Variants in NRXN1 observed in about 807,000 individuals in gnomAD.
NRXN1 encodes the protein neurexin 1.
In NRXN1, 39 loss-of-function variants were observed where a neutral mutation model predicts 150.9. The observed-to-expected ratio is 0.26, with a 90% confidence interval of 0.20 to 0.34. The LOEUF is 0.34. NRXN1 is among the 10% of genes least tolerant of loss of function. The pLI is 1.00. For missense variants in NRXN1, 1,815 were observed against 1,949.9 expected, an observed-to-expected ratio of 0.93 and a Z score of 1.30; for synonymous variants, 924 against 757.0, an observed-to-expected ratio of 1.22 and a Z score of -3.62.
chr2:50,996,683 T>G (rs545307147), intron 2 of NRXN1, among the ~76,000 whole-genome samples: 9 of 151,996 alleles, frequency 5.9e-5, no homozygotes, highest in African/African-American at 2.2e-4. Flanking sequence ...CCATATTACA[T>G]AAATGGGGGA....
At chr2:50,160,459 T>C (rs552955194) in intron 18 of NRXN1, among the ~76,000 whole-genome samples, 35 of 152,102 alleles carry the variant, frequency 2.3e-4, no homozygotes, top group African/African-American at 8.0e-4. Context: ...GAAAATTGCT[T>C]GAACCCAGGA....
At chr2:50,082,408 C>A (rs1283670240) in intron 19 of NRXN1, among the ~76,000 whole-genome samples, 1 of 151,974 alleles carries the variant, frequency 6.6e-6, no homozygotes, top group Non-Finnish European at 1.5e-5. Flanking sequence ...TAATGGCAGA[C>A]AAGAAGTTAA....
chr2:49,954,289 G>C (rs973633917), intron 21 of NRXN1, among the ~76,000 whole-genome samples: 2 of 151,978 alleles, frequency 1.3e-5, no homozygotes, highest in African/African-American at 4.8e-5. Flanking sequence ...GGGCATATGT[G>C]TGGATCTCAC....
chr2:50,829,999 G>GAAAAAAAAAAAAAAAA lies in NRXN1; in HGVS notation c.832+91854_832+91869dup, dbSNP rs572758147. ...GGAACCCAAAGAATACTGCCTGCTG[G>GAAAAAAAAAAAAAAAA]AAAAAAAAAAAAAAAAAAAAAAAAA... is the stretch of plus-strand genomic sequence containing the variant. On this transcript the variant is annotated intron_variant, in intron 5 of 22. Coordinates refer to ENST00000401669, the MANE Select transcript of NRXN1 (RefSeq NM_001330078.2). Among the ~76,000 whole-genome samples the GAAAAAAAAAAAAAAAA allele has an allele frequency of 6.5e-4, 38 of 58,176 alleles. 4 individuals carry two copies. Among genetic ancestry groups the GAAAAAAAAAAAAAAAA allele is most frequent in the East Asian group, 3.8e-3 (5 of 1,308 alleles). The allele number at this position is 58,176 out of a possible 152,430, so 38.2% of individuals were successfully genotyped here.
chr2:50,969,658 T>C lies in NRXN1; in HGVS notation c.773-43703A>G, dbSNP rs113371456. Among the ~76,000 whole-genome samples the C allele has an allele frequency of 5.2e-3, 789 of 152,290 alleles. 8 individuals are homozygous for C. Among genetic ancestry groups the C allele is most frequent in the African/African-American group, 0.018 (753 of 41,570 alleles). On this transcript the variant is annotated intron_variant, in intron 2 of 22. Transcript: ENST00000401669. ...GAAATAAAAAGAGTTTTAAAATCAG[T>C]ACATATATCTAAATTTAGGACAATT... is the stretch of plus-strand genomic sequence containing the variant.
intron 9 of NRXN1, chr2:50,548,199 G>T (rs888154801): frequency 6.6e-6 from 1 of 152,076 alleles, no homozygotes; most frequent in African/African-American, 2.4e-5. Flanking sequence ...CTTCTTGATG[G>T]ATTTTCCTGC....
intron 5 of NRXN1, among the ~76,000 whole-genome samples, chr2:50,680,540 AT>A (rs375342540): frequency 1.3e-5 from 2 of 152,284 alleles, no homozygotes; most frequent in African/African-American, 2.4e-5. Context: ...AATAAAAAAA[AT>A]GTCAATCAAC....
intron 21 of NRXN1, among the ~76,000 whole-genome samples, chr2:49,977,602 C>T (rs1295924659): frequency 6.6e-6 from 1 of 151,980 alleles, no homozygotes; most frequent in Non-Finnish European, 1.5e-5. Context: ...TGGGTTTCTC[C>T]AATTTTAATA....
intron 5 of NRXN1, among the ~76,000 whole-genome samples, chr2:50,780,647 C>G (rs1444568588): frequency 6.6e-6 from 1 of 152,100 alleles, no homozygotes; most frequent in Middle Eastern, 3.2e-3. Context: ...TTGGTCTACT[C>G]ATGTTCTTTT....
intron 17 of NRXN1, among the ~76,000 whole-genome samples, chr2:50,397,749 G>A (rs1469026891): frequency 6.6e-6 from 1 of 152,044 alleles, no homozygotes; most frequent in African/African-American, 2.4e-5. Context: ...GAATGGTGGA[G>A]GTATGAGAGA....
intron 18 of NRXN1, among the ~76,000 whole-genome samples, chr2:50,182,495 A>C (rs888023969): frequency 1.3e-5 from 2 of 151,938 alleles, no homozygotes; most frequent in African/African-American, 4.8e-5. Context: ...GGCTCTCAAT[A>C]TGTTTGGATT....
Position 50,979,205 on chromosome 2 carries a change from G to T in NRXN1, c.772+48297C>A, listed in dbSNP as rs538224183. The T allele has an allele frequency of 1.1e-3, 537 of 508,284 alleles. 2 individuals are homozygous for T. Among genetic ancestry groups the T allele is most frequent in the Middle Eastern group, 2.6e-3 (8 of 3,034 alleles). The allele number at this position is 508,284 out of a possible 1,614,324, so 31.5% of individuals were successfully genotyped here. On this transcript the variant is annotated intron_variant, in intron 2 of 22. Coordinates refer to ENST00000401669, the MANE Select transcript of NRXN1 (RefSeq NM_001330078.2). Reference sequence around the variant, plus strand: ...TGTAATTTAATTACAGAAAGTAAGCGATTTCCTCTGTGATATGAGAAAAGA... The same window carrying T: ...TGTAATTTAATTACAGAAAGTAAGCTATTTCCTCTGTGATATGAGAAAAGA...
chr2:50,581,104 C>T (rs979484135), intron 8 of NRXN1, among the ~76,000 whole-genome samples: 1 of 152,092 alleles, frequency 6.6e-6, no homozygotes. Flanking sequence ...CATTTGACAC[C>T]TATAAAACAG....
At chr2:50,463,225 G>A (rs1056912376) in intron 17 of NRXN1, among the ~76,000 whole-genome samples, 2 of 151,798 alleles carry the variant, frequency 1.3e-5, no homozygotes, top group Admixed American at 6.6e-5. Context: ...TTTAAAAAGT[G>A]AGGAAAGTGT....
chr2:50,784,937 C>T (rs1704871996), intron 5 of NRXN1, among the ~76,000 whole-genome samples: 1 of 152,064 alleles, frequency 6.6e-6, no homozygotes, highest in Admixed American at 6.6e-5. Context: ...ACTGTATCCT[C>T]CCCAAAACTC....
At chr2:50,947,290 T>A (rs1034263161) in intron 2 of NRXN1, among the ~76,000 whole-genome samples, 2 of 152,050 alleles carry the variant, frequency 1.3e-5, no homozygotes, top group African/African-American at 4.8e-5. Flanking sequence ...ATTCAATAAA[T>A]GTTTGGTGAA....
chr2:51,031,423 C>T (rs1671527665), intron 1 of NRXN1, among the ~76,000 whole-genome samples: 1 of 152,074 alleles, frequency 6.6e-6, no homozygotes, highest in African/African-American at 2.4e-5. Context: ...ACACCTACAC[C>T]TTTCCATGCA....
chr2:51,030,258 A>G (rs947059300), intron 1 of NRXN1, among the ~76,000 whole-genome samples: 3 of 152,082 alleles, frequency 2.0e-5, no homozygotes, highest in African/African-American at 7.2e-5. Flanking sequence ...ACACACTGCA[A>G]TATATATACA....
chr2:50,617,668 C>A (rs1025079659), intron 8 of NRXN1, among the ~76,000 whole-genome samples: 6 of 152,136 alleles, frequency 3.9e-5, no homozygotes, highest in African/African-American at 1.4e-4. Flanking sequence ...GTGACAACAG[C>A]ACAAGTGAAT....
Sources: gnomAD v4.1 joint callset for allele counts (sites outside exome capture counted in the v4.1 genomes callset) on GRCh38, gnomAD v4.1.1 for gene constraint, MANE v1.5 for transcripts, NCBI Gene and HGNC (gene_info 2026-07-23, HGNC 2026-07-21) for gene names.